Variants in TMEM108 observed in about 807,000 individuals in gnomAD.
TMEM108 encodes transmembrane protein 108.
TMEM108 carries 12 observed loss-of-function variants against 35.1 expected under a neutral mutation model. The ratio of observed to expected loss-of-function variants is 0.34; its 90% CI spans 0.22 to 0.55. TMEM108 has a LOEUF of 0.55. Ranked by LOEUF, TMEM108 falls within the 20% of genes least tolerant of loss-of-function variation. The probability of loss-of-function intolerance (pLI) is 0.89; values close to 1 mark genes in which losing one functional copy is unlikely to be tolerated. For missense variants in TMEM108, 680 were observed against 753.3 expected (o/e 0.90, Z 1.14); for synonymous variants, 287 against 308.6 (o/e 0.93, Z 0.73).
chr3:133,168,845 C>A (rs1339505965), intron 2 of TMEM108, among the ~76,000 whole-genome samples: 1 of 152,174 alleles, frequency 6.6e-6, no homozygotes, highest in African/African-American at 2.4e-5. Context: ...TGCGGCTTCA[C>A]TCCTGAGGCC....
At chr3:133,312,833 C>A (rs1373529622) in intron 3 of TMEM108, among the ~76,000 whole-genome samples, 3 of 152,186 alleles carry the variant, frequency 2.0e-5, no homozygotes, top group African/African-American at 7.2e-5. Flanking sequence ...AGCTGCAGAC[C>A]AGAGCTCTTC....
At chr3:133,357,810 A>G (rs2107786059) in intron 3 of TMEM108, among the ~76,000 whole-genome samples, 1 of 152,174 alleles carries the variant, frequency 6.6e-6, no homozygotes, top group Non-Finnish European at 1.5e-5. Context: ...GTGAGGGATA[A>G]AAGACTACAT....
At chr3:133,222,588 G>A (rs1229655954) in intron 2 of TMEM108, among the ~76,000 whole-genome samples, 1 of 151,126 alleles carries the variant, frequency 6.6e-6, no homozygotes, top group Non-Finnish European at 1.5e-5. Context: ...TTTCTCCTCT[G>A]ACTATATATT....
At chr3:133,040,893 TGA>T (rs1943267958) in intron 1 of TMEM108, among the ~76,000 whole-genome samples, 2 of 152,126 alleles carry the variant, frequency 1.3e-5, no homozygotes, top group African/African-American at 4.8e-5. Flanking sequence ...AGAGAGTGAA[TGA>T]GAGAGATTAG....
At chr3:133,335,407 G>C (rs1347478669) in intron 3 of TMEM108, among the ~76,000 whole-genome samples, 2 of 152,166 alleles carry the variant, frequency 1.3e-5, no homozygotes, top group African/African-American at 4.8e-5. Context: ...TAAAACTCCA[G>C]AGGAAAATGC....
intron 3 of TMEM108, among the ~76,000 whole-genome samples, chr3:133,241,640 A>C (rs1320129655): frequency 8.5e-6 from 1 of 117,884 alleles, no homozygotes; most frequent in Non-Finnish European, 1.7e-5. Flanking sequence ...TTTGAGACAG[A>C]ATTTCGCTCT....
chr3:133,285,503 C>T (rs945329876), intron 3 of TMEM108, among the ~76,000 whole-genome samples: 5 of 152,098 alleles, frequency 3.3e-5, no homozygotes, highest in Admixed American at 2.6e-4. Context: ...CTCAGAGAGA[C>T]GTTGTTAATA....
At chr3:133,286,529 C>G (rs1018722103) in intron 3 of TMEM108, among the ~76,000 whole-genome samples, 2 of 152,072 alleles carry the variant, frequency 1.3e-5, no homozygotes, top group African/African-American at 4.8e-5. Context: ...AGAGATGGGA[C>G]TCTCACTATG....
At chr3:133,234,838 A>G (rs1316896148) in intron 3 of TMEM108, among the ~76,000 whole-genome samples, 1 of 152,208 alleles carries the variant, frequency 6.6e-6, no homozygotes, top group African/African-American at 2.4e-5. Flanking sequence ...ACATGATTGT[A>G]TATCTAGAAA....
intron 2 of TMEM108, among the ~76,000 whole-genome samples, chr3:133,225,687 A>AG (rs2107860305): frequency 1.7e-5 from 1 of 60,176 alleles, no homozygotes; most frequent in African/African-American, 8.2e-5. Flanking sequence ...TCAATTTTGG[A>AG]GGGGGGTAAA....
intron 2 of TMEM108, among the ~76,000 whole-genome samples, chr3:133,053,587 A>G (rs1171518965): frequency 2.6e-5 from 4 of 152,250 alleles, no homozygotes; most frequent in African/African-American, 9.6e-5. Flanking sequence ...AAGATGCACG[A>G]GAAAATAAGG....
At chr3:133,386,883 C>G in intron 4 of TMEM108, 1 of 635,876 alleles carries the variant, frequency 1.6e-6, no homozygotes, top group Non-Finnish European at 2.0e-6. Context: ...CTATTAGCTT[C>G]TATGACCTTC....
intron 2 of TMEM108, among the ~76,000 whole-genome samples, chr3:133,049,927 A>T (rs1446739228): frequency 1.3e-5 from 2 of 152,198 alleles, no homozygotes; most frequent in African/African-American, 2.4e-5. Flanking sequence ...TTATCCCCTG[A>T]AGAATTAGTC....
chr3:133,086,724 G>A (rs1209002632), intron 2 of TMEM108, among the ~76,000 whole-genome samples: 1 of 152,178 alleles, frequency 6.6e-6, no homozygotes, highest in East Asian at 1.9e-4. Flanking sequence ...AATGAGAGAA[G>A]ACATTTAATT....
chr3:133,312,666 C>G lies in TMEM108; in HGVS notation c.41-67086C>G, dbSNP rs1038297875. 4.6e-5 allele frequency among the ~76,000 whole-genome samples: 7 copies of G among 152,384 alleles called. 1 individual carries two copies. The South Asian group carries it at 1.4e-3, about 32-fold the overall frequency. On this transcript the variant is annotated intron_variant, in intron 3 of 5. Transcript: ENST00000321871. ...CCCTTGGCTAGGAAAGGGAAATCCC[C>G]TGACCCCTTGTGCTTCCCAGGTGAG... is the stretch of plus-strand genomic sequence containing the variant.
At chr3:133,288,804 A>G (rs1023471857) in intron 3 of TMEM108, among the ~76,000 whole-genome samples, 19 of 152,054 alleles carry the variant, frequency 1.2e-4, no homozygotes, top group East Asian at 7.7e-4. Flanking sequence ...CAGTGGTGCA[A>G]TCTCAGCTCT....
At chr3:133,393,407 T>C (rs538332097) in intron 5 of TMEM108, among the ~76,000 whole-genome samples, 2 of 152,372 alleles carry the variant, frequency 1.3e-5, no homozygotes, top group East Asian at 1.9e-4. Flanking sequence ...GCATTGTTTG[T>C]TGTGCTCACT....
At chr3:133,384,395 G>A (rs1310954361) in intron 4 of TMEM108, among the ~76,000 whole-genome samples, 1 of 120,048 alleles carries the variant, frequency 8.3e-6, no homozygotes, top group African/African-American at 3.2e-5. Context: ...TGGGAGTTGA[G>A]TAAGGCAGAT....
At chr3:133,340,424 A>G (rs2071626166) in intron 3 of TMEM108, among the ~76,000 whole-genome samples, 1 of 151,658 alleles carries the variant, frequency 6.6e-6, no homozygotes, top group Non-Finnish European at 1.5e-5. Flanking sequence ...AACAAATAAC[A>G]AGAGCAAACC....
Sources: allele counts gnomAD v4.1 joint callset (sites outside exome capture counted in the v4.1 genomes callset), GRCh38; gene constraint gnomAD v4.1.1; transcripts MANE v1.5; gene names NCBI Gene and HGNC (gene_info 2026-07-23, HGNC 2026-07-21).